AIMP1: variants seen among roughly 807,000 people sequenced by gnomAD.
AIMP1 encodes the protein aminoacyl tRNA synthetase complex interacting multifunctional protein 1.
AIMP1 carries 24 observed loss-of-function variants against 33.1 expected under a neutral mutation model. The observed-to-expected ratio is 0.73, with a 90% confidence interval of 0.53 to 1.02. AIMP1 has a LOEUF of 1.02. Ranked by LOEUF, AIMP1 falls within the 50% of genes least tolerant of loss-of-function variation. The probability of loss-of-function intolerance (pLI) is 0.00; values close to 1 mark genes in which losing one functional copy is unlikely to be tolerated. For synonymous variants in AIMP1, 120 were observed against 121.5 expected, an observed-to-expected ratio of 0.99 and a Z score of 0.08; for missense variants, 367 against 364.8, an observed-to-expected ratio of 1.01 and a Z score of -0.05.
chr4:106,346,277 T>G (rs533826617), intron 6 of AIMP1, among the ~76,000 whole-genome samples: 2 of 152,106 alleles, frequency 1.3e-5, no homozygotes. Context: ...AATTTTTCTT[T>G]TATTATAAAA....
intron 5 of AIMP1, among the ~76,000 whole-genome samples, chr4:106,332,175 G>T (rs976681441): frequency 7.3e-5 from 11 of 151,216 alleles, no homozygotes; most frequent in Non-Finnish European, 2.9e-5. Context: ...AAAAACTATT[G>T]GTGTGTATAT....
At chr4:106,341,604 T>A (rs1770101754) in intron 6 of AIMP1, among the ~76,000 whole-genome samples, 2 of 152,296 alleles carry the variant, frequency 1.3e-5, no homozygotes, top group Non-Finnish European at 1.5e-5. Context: ...GTTGTAGGCA[T>A]GCAGCTTTAT....
rs1442085684 is a variant in AIMP1 at position 106,324,967 on chromosome 4, C to G, written c.-25-18C>G. The G allele has an allele frequency of 3.2e-6, 5 of 1,580,640 alleles. No homozygotes were observed. The highest frequency in any genetic ancestry group is 3.6e-5 in the Admixed American group (2 of 56,182). On this transcript the variant is annotated intron_variant, in intron 1 of 6. Coordinates refer to ENST00000672341, the MANE Select transcript of AIMP1 (RefSeq NM_001142416.2). ...ATTCCTTTCACAGTGTAATTTATCA[C>G]TTTTATTTTTCCTATAGGATTTTCT...
At chr4:106,342,923 G>C (rs1053879535) in intron 6 of AIMP1, among the ~76,000 whole-genome samples, 3 of 57,394 alleles carry the variant, frequency 5.2e-5, no homozygotes, top group Non-Finnish European at 1.0e-4. Context: ...TTTTTTTTTT[G>C]AGACGGGGTC....
intron 6 of AIMP1, among the ~76,000 whole-genome samples, chr4:106,337,491 T>A (rs751855804): frequency 6.6e-6 from 1 of 152,180 alleles, no homozygotes; most frequent in East Asian, 1.9e-4. Context: ...ATGCCTTTGC[T>A]CCTCCTTTGT....
intron 6 of AIMP1, among the ~76,000 whole-genome samples, chr4:106,345,004 C>T (rs1770243236): frequency 6.6e-6 from 1 of 152,152 alleles, no homozygotes; most frequent in South Asian, 2.1e-4. Flanking sequence ...ATATTACTTA[C>T]ATATGTACTG....
At chr4:106,327,643 G>A in intron 3 of AIMP1, 79 bp downstream of exon 3, 1 of 1,065,358 alleles carries the variant, frequency 9.4e-7, no homozygotes. Context: ...AAAGAAGTAA[G>A]AATCTGTATC....
chr4:106,320,199 A>G (rs995686686), intron 1 of AIMP1, among the ~76,000 whole-genome samples: 1 of 152,230 alleles, frequency 6.6e-6, no homozygotes, highest in Admixed American at 6.5e-5. Flanking sequence ...AGTAATTAGC[A>G]TAGAGATTAA....
chr4:106,337,587 A>C (rs1769937591), intron 6 of AIMP1, among the ~76,000 whole-genome samples: 1 of 152,222 alleles, frequency 6.6e-6, no homozygotes, highest in Non-Finnish European at 1.5e-5. Flanking sequence ...CCCAGCCTCG[A>C]GTATATCTTT....
At chr4:106,319,883 A>C (rs1769148537) in intron 1 of AIMP1, among the ~76,000 whole-genome samples, 1 of 152,208 alleles carries the variant, frequency 6.6e-6, no homozygotes, top group Non-Finnish European at 1.5e-5. Context: ...CTTTAGAGAA[A>C]TTATAGCTAG....
intron 4 of AIMP1, among the ~76,000 whole-genome samples, chr4:106,329,300 T>C (rs1769577970): frequency 6.6e-6 from 1 of 152,230 alleles, no homozygotes; most frequent in Non-Finnish European, 1.5e-5. Context: ...CTATATAACC[T>C]GTTCTTGCAA....
intron 1 of AIMP1, 56 bp downstream of exon 1, chr4:106,316,650 G>A: frequency 1.3e-6 from 2 of 1,530,142 alleles, no homozygotes; most frequent in Admixed American, 2.0e-5. Flanking sequence ...CGATCGTAGG[G>A]GTCTTCCTTC....
At position 106,349,134 on chromosome 4, in the gene AIMP1, A is replaced by G. The variant is rs1028866239; in HGVS notation, c.*1442A>G. On this transcript the variant is annotated 3_prime_UTR_variant, in exon 7 of 7. Coordinates refer to ENST00000672341, the MANE Select transcript of AIMP1 (RefSeq NM_001142416.2). The stretch of plus-strand genomic sequence containing the variant: ...AAATATGAACTGAGCGTCATTAACA[A>G]TTGTTGGTACCTAAACACAAAATGA... 1 of 152,126 alleles carries G rather than the reference A, an allele frequency of 6.6e-6. No individual in the cohort carries two copies. Among genetic ancestry groups the G allele is most frequent in the African/African-American group, 2.4e-5 (1 of 41,456 alleles). The allele number at this position is 152,126 out of a possible 1,614,324, so 9.4% of individuals were successfully genotyped here.
chr4:106,327,611 G>T, intron 3 of AIMP1, 47 bp downstream of exon 3: 1 of 1,393,278 alleles, frequency 7.2e-7, no homozygotes, highest in Non-Finnish European at 1.0e-6. Flanking sequence ...TAAGAAGTTG[G>T]CCAGTCACAC....
At chr4:106,319,387 G>A (rs956254676) in intron 1 of AIMP1, among the ~76,000 whole-genome samples, 1 of 152,128 alleles carries the variant, frequency 6.6e-6, no homozygotes, top group African/African-American at 2.4e-5. Context: ...TAATGATTAA[G>A]ATGTACTATA....
At chr4:106,335,484 G>A (rs562882293) in intron 5 of AIMP1, among the ~76,000 whole-genome samples, 2 of 151,988 alleles carry the variant, frequency 1.3e-5, no homozygotes, top group Non-Finnish European at 2.9e-5. Context: ...ATAAAGTAGG[G>A]ACACTTAGAA....
At chr4:106,328,278 C>T in intron 4 of AIMP1, 35 bp downstream of exon 4, 1 of 1,564,256 alleles carries the variant, frequency 6.4e-7, no homozygotes, top group Non-Finnish European at 8.7e-7. Context: ...TAGCTCTTGA[C>T]TGGATTATCA....
intron 1 of AIMP1, among the ~76,000 whole-genome samples, chr4:106,321,661 GC>G (rs1204963288): frequency 6.6e-6 from 1 of 151,954 alleles, no homozygotes; most frequent in African/African-American, 2.4e-5. Flanking sequence ...GAAGTGAGGA[GC>G]CCCTCTGCCC....
At chr4:106,320,029 T>A (rs1423365284) in intron 1 of AIMP1, among the ~76,000 whole-genome samples, 1 of 152,206 alleles carries the variant, frequency 6.6e-6, no homozygotes, top group Non-Finnish European at 1.5e-5. Flanking sequence ...TATTCGAAAT[T>A]GACTTGTGTA....
Sources: gnomAD v4.1 joint callset for allele counts (sites outside exome capture counted in the v4.1 genomes callset) on GRCh38, gnomAD v4.1.1 for gene constraint, MANE v1.5 for transcripts, NCBI Gene and HGNC (gene_info 2026-07-23, HGNC 2026-07-21) for gene names.